The following UQCRH variants were observed in gnomAD, a reference collection of about 807,000 sequenced individuals.
The protein encoded by UQCRH is cytochrome b-c1 complex subunit 6, mitochondrial.
A neutral mutation model predicts 16.3 loss-of-function variants in UQCRH; 14 were observed. The observed-to-expected ratio is 0.86, with a 90% CI of 0.57 to 1.34. The LOEUF (loss-of-function observed/expected upper bound fraction) is 1.34, where lower values mean the gene tolerates loss of function less well. UQCRH is among the 40% of genes most tolerant of loss of function. UQCRH has a pLI of 0.00. For synonymous variants in UQCRH, 41 were observed against 41.9 expected (o/e 0.98, Z 0.08); for missense variants, 89 against 111.9 (o/e 0.80, Z 0.92).
chr1:46,311,223 G>C (rs1231168095), intron 3 of UQCRH, among the ~76,000 whole-genome samples: 2 of 151,704 alleles, frequency 1.3e-5, no homozygotes, highest in African/African-American at 4.9e-5. Context: ...TAAACAGTGG[G>C]GAAGCTGGAT....
chr1:46,305,869 G>A (rs1286231459), intron 1 of UQCRH, among the ~76,000 whole-genome samples: 1 of 151,546 alleles, frequency 6.6e-6, no homozygotes, highest in African/African-American at 2.4e-5. Context: ...GCAGTGGCGT[G>A]ATCCGGCTCA....
chr1:46,313,642 C>CAGATAGATAGATAGAT (rs140722553), intron 3 of UQCRH, among the ~76,000 whole-genome samples: 9 of 145,766 alleles, frequency 6.2e-5, no homozygotes, highest in South Asian at 2.2e-4. Context: ...AAAATATAGA[C>CAGATAGATAGATAGAT]AGATAGATAG....
At position 46,310,144 on chromosome 1, in the gene UQCRH, T is replaced by G; in HGVS notation, c.82-11T>G. 1.2e-6 allele frequency: 2 copies of G among 1,614,184 alleles called. No individual in the cohort carries two copies. Among genetic ancestry groups the G allele is most frequent in the Non-Finnish European group, 1.7e-6 (2 of 1,180,028 alleles). On this transcript the variant is annotated splice_polypyrimidine_tract_variant and intron_variant, in intron 2 of 3. Transcript: ENST00000311672. ...AATGCCCATTTTGTTTTTTTTCTGT[T>G]TCTACATCAGGATCCCCTAACAACA...
intron 1 of UQCRH, among the ~76,000 whole-genome samples, chr1:46,305,873 C>T (rs550753638): frequency 8.3e-4 from 125 of 151,448 alleles, no homozygotes; most frequent in African/African-American, 2.9e-3. Flanking sequence ...TGGCGTGATC[C>T]GGCTCACTGC....
At chr1:46,308,168 C>G (rs1243791989) in intron 1 of UQCRH, among the ~76,000 whole-genome samples, 1 of 152,098 alleles carries the variant, frequency 6.6e-6, no homozygotes, top group African/African-American at 2.4e-5. Flanking sequence ...TTGAAATATA[C>G]CTGGGATTCG....
intron 1 of UQCRH, among the ~76,000 whole-genome samples, chr1:46,308,395 C>T (rs554044632): frequency 1.3e-5 from 2 of 152,220 alleles, no homozygotes; most frequent in East Asian, 1.9e-4. Context: ...TGGTGGGCAG[C>T]GTAGGTACAC....
chr1:46,309,684 A>T (rs1661433048), intron 2 of UQCRH: 1 of 232,114 alleles, frequency 4.3e-6, no homozygotes, highest in Non-Finnish European at 7.6e-6. Flanking sequence ...AAAAAAAAAA[A>T]AAAGAACTCT....
chr1:46,315,581 A>G (rs1661568610), intron 3 of UQCRH, among the ~76,000 whole-genome samples: 1 of 141,414 alleles, frequency 7.1e-6, no homozygotes, highest in African/African-American at 2.6e-5. Flanking sequence ...GGGACAGAGC[A>G]AGACTGCCTC....
chr1:46,314,865 A>C (rs1351111908), intron 3 of UQCRH, among the ~76,000 whole-genome samples: 2 of 152,208 alleles, frequency 1.3e-5, no homozygotes, highest in African/African-American at 4.8e-5. Context: ...GGAGAAAGGA[A>C]ATGGAGAGTT....
chr1:46,312,035 C>T (rs1231117523), intron 3 of UQCRH, among the ~76,000 whole-genome samples: 2 of 150,860 alleles, frequency 1.3e-5, no homozygotes, highest in Non-Finnish European at 2.9e-5. Flanking sequence ...TTCAAACAAT[C>T]CTTCTGCCTT....
intron 1 of UQCRH, among the ~76,000 whole-genome samples, chr1:46,306,832 G>C (rs947706194): frequency 6.6e-6 from 1 of 152,130 alleles, no homozygotes; most frequent in Non-Finnish European, 1.5e-5. Flanking sequence ...CTCACTCCCA[G>C]CTTGTATGAG....
At chr1:46,310,045 G>A (rs1371700334) in intron 2 of UQCRH, 110 bp from the exon 3 acceptor site, 1 of 1,553,360 alleles carries the variant, frequency 6.4e-7, no homozygotes, top group Admixed American at 1.9e-5. Context: ...CTTCTGCACG[G>A]TAATTCAGAG....
At chr1:46,309,795 G>A in intron 2 of UQCRH, 3 of 1,137,822 alleles carry the variant, frequency 2.6e-6, no homozygotes, top group South Asian at 1.8e-5. Flanking sequence ...GGGATTTGAA[G>A]TTTCAGACGT....
chr1:46,305,193 G>A (rs964700767), intron 1 of UQCRH, among the ~76,000 whole-genome samples: 1 of 150,324 alleles, frequency 6.7e-6, no homozygotes, highest in African/African-American at 2.4e-5. Flanking sequence ...GTGAACGCCT[G>A]TGGTCTCAAC....
intron 3 of UQCRH, 100 bp downstream of exon 3, chr1:46,310,416 C>G: frequency 6.5e-7 from 1 of 1,544,566 alleles, no homozygotes. Context: ...ATCAGTTACT[C>G]TGGGCCCAAT....
At chr1:46,310,885 G>A (rs1661457808) in intron 3 of UQCRH, among the ~76,000 whole-genome samples, 1 of 151,856 alleles carries the variant, frequency 6.6e-6, no homozygotes, top group Admixed American at 6.6e-5. Context: ...GGCTAACAAG[G>A]TGAAACCCCG....
intron 1 of UQCRH, among the ~76,000 whole-genome samples, chr1:46,306,170 A>G (rs968782138): frequency 2.0e-5 from 3 of 152,116 alleles, no homozygotes. Flanking sequence ...GAAATTTTAC[A>G]TGTAGCAATC....
intron 1 of UQCRH, among the ~76,000 whole-genome samples, chr1:46,307,610 A>G (rs892550701): frequency 2.6e-5 from 4 of 152,180 alleles, no homozygotes; most frequent in African/African-American, 9.7e-5. Context: ...TTTTTACACT[A>G]CTATCCTTGA....
At position 46,311,103 on chromosome 1, in the gene UQCRH, A is replaced by C. The variant is rs187227350; in HGVS notation, c.243+787A>C. 2.4e-3 allele frequency among the ~76,000 whole-genome samples: 364 copies of C among 151,838 alleles called. 2 individuals carry two copies. The highest frequency in any genetic ancestry group is 8.6e-3 in the African/African-American group (354 of 41,378). ...AAAAAAAAAAAATAATAATAATAAT[A>C]ATCTTGCCTAATCCTTACTACTTCC... is the stretch of plus-strand genomic sequence containing the variant. On this transcript the variant is annotated intron_variant, in intron 3 of 3. Coordinates refer to ENST00000311672, the MANE Select transcript of UQCRH (RefSeq NM_006004.4).
Sources: gnomAD v4.1 joint callset for allele counts (sites outside exome capture counted in the v4.1 genomes callset) on GRCh38, gnomAD v4.1.1 for gene constraint, MANE v1.5 for transcripts, NCBI Gene and HGNC (gene_info 2026-07-23, HGNC 2026-07-21) for gene names.